Variants in KITLG observed in about 807,000 individuals in gnomAD.
The protein encoded by KITLG is KIT ligand, also known as c-Kit ligand.
Under a neutral mutation model 34.1 loss-of-function variants are expected in KITLG, and 13 were observed. The observed-to-expected ratio is 0.38, with a 90% CI of 0.25 to 0.61. KITLG has a LOEUF of 0.61. KITLG is among the 20% of genes least tolerant of loss of function. The probability of loss-of-function intolerance (pLI) is 0.60; values close to 1 mark genes in which losing one functional copy is unlikely to be tolerated. For synonymous variants in KITLG, 110 were observed against 104.0 expected, an observed-to-expected ratio of 1.06 and a Z score of -0.35; for missense variants, 292 against 318.9, an observed-to-expected ratio of 0.92 and a Z score of 0.64.
chr12:88,497,128 A>G lies in KITLG; in HGVS notation c.*91T>C. 4.4e-6 allele frequency: 2 copies of G among 450,062 alleles called. No homozygotes were observed. Among genetic ancestry groups the G allele is most frequent in the Non-Finnish European group, 8.9e-6 (2 of 224,096 alleles). The allele number at this position is 450,062 out of a possible 1,614,324, so 27.9% of individuals were successfully genotyped here. On this transcript the variant is annotated 3_prime_UTR_variant, in exon 10 of 10. Transcript: ENST00000644744. ...TGTGGTCTGTCACTCCAGACAGAATATGAATTTGTTTAAAGCTGCTTCATT... is the reference window on the plus strand; with the variant it reads ...TGTGGTCTGTCACTCCAGACAGAATGTGAATTTGTTTAAAGCTGCTTCATT...
At chr12:88,552,552 A>T (rs529037082) in intron 1 of KITLG, among the ~76,000 whole-genome samples, 1 of 152,166 alleles carries the variant, frequency 6.6e-6, no homozygotes, top group South Asian at 2.1e-4. Flanking sequence ...AGCTCAATTG[A>T]AATACTTTTG....
chr12:88,542,854 A>T (rs1870570846), intron 2 of KITLG, among the ~76,000 whole-genome samples: 1 of 152,124 alleles, frequency 6.6e-6, no homozygotes, highest in Non-Finnish European at 1.5e-5. Context: ...GTAGTGACCT[A>T]CTTTAAACAT....
At chr12:88,526,995 A>G (rs1016184975) in intron 3 of KITLG, among the ~76,000 whole-genome samples, 3 of 150,938 alleles carry the variant, frequency 2.0e-5, no homozygotes, top group African/African-American at 7.3e-5. Flanking sequence ...CAGCCTCCTG[A>G]GTAGCTGGGA....
chr12:88,551,550 C>A (rs527892214), intron 1 of KITLG, among the ~76,000 whole-genome samples: 2 of 152,324 alleles, frequency 1.3e-5, no homozygotes, highest in East Asian at 3.9e-4. Context: ...TTCCAAATTA[C>A]TGTACTTGTT....
Position 88,545,154 on chromosome 12 carries a change from G to T in KITLG, c.129+598C>A, listed in dbSNP as rs542711135. 3.9e-5 allele frequency among the ~76,000 whole-genome samples: 6 copies of T among 152,246 alleles called. No individual in the cohort carries two copies. The South Asian group carries it at 8.3e-4, about 21-fold the overall frequency. On this transcript the variant is annotated intron_variant, in intron 2 of 9. Transcript: ENST00000644744. ...TCTGGAGAAGCATAGCATGGAGCTGGCAGTGACTTGGGGAAGCAATGCAAA... is the reference window on the plus strand; with the variant it reads ...TCTGGAGAAGCATAGCATGGAGCTGTCAGTGACTTGGGGAAGCAATGCAAA...
At chr12:88,510,021 T>G (rs1485919210) in intron 6 of KITLG, among the ~76,000 whole-genome samples, 1 of 152,172 alleles carries the variant, frequency 6.6e-6, no homozygotes, top group Non-Finnish European at 1.5e-5. Context: ...TGGGCCGGAT[T>G]TGAGTAATCC....
At chr12:88,513,281 G>T (rs547285279) in intron 6 of KITLG, among the ~76,000 whole-genome samples, 3 of 151,274 alleles carry the variant, frequency 2.0e-5, no homozygotes, top group Admixed American at 6.6e-5. Flanking sequence ...AATGCAAAAG[G>T]GTGCTGTTGA....
intron 7 of KITLG, 91 bp from the exon 8 acceptor site, chr12:88,506,469 G>A: frequency 3.4e-6 from 3 of 884,922 alleles, no homozygotes; most frequent in South Asian, 2.7e-5. Context: ...ATCTTTTATG[G>A]CAATAACTCC....
chr12:88,569,830 A>G (rs575647968), intron 1 of KITLG, among the ~76,000 whole-genome samples: 1 of 152,302 alleles, frequency 6.6e-6, no homozygotes, highest in East Asian at 1.9e-4. Context: ...GATGCTGCTG[A>G]TAAGGTTGTG....
chr12:88,520,625 T>C (rs1284763166), intron 3 of KITLG, among the ~76,000 whole-genome samples: 1 of 152,182 alleles, frequency 6.6e-6, no homozygotes, highest in Admixed American at 6.5e-5. Context: ...AATTAAGACA[T>C]TCCTTTAGTT....
intron 3 of KITLG, among the ~76,000 whole-genome samples, chr12:88,521,773 CT>C (rs1430471619): frequency 1.3e-5 from 2 of 152,218 alleles, no homozygotes; most frequent in Non-Finnish European, 2.9e-5. Context: ...AGTGTAAAAA[CT>C]TTTTTCTTGA....
At chr12:88,579,542 G>A (rs2121001589) in intron 1 of KITLG, among the ~76,000 whole-genome samples, 1 of 152,262 alleles carries the variant, frequency 6.6e-6, no homozygotes. Flanking sequence ...TAGCAGCACT[G>A]GGAATTATCT....
intron 2 of KITLG, among the ~76,000 whole-genome samples, chr12:88,533,973 A>G (rs981798003): frequency 2.6e-5 from 4 of 152,158 alleles, no homozygotes; most frequent in Non-Finnish European, 5.9e-5. Flanking sequence ...GGCACTTAGT[A>G]TGGTTCCTCT....
intron 9 of KITLG, 93 bp from the exon 10 acceptor site, chr12:88,497,274 T>A (rs1489406443): frequency 7.2e-6 from 2 of 277,668 alleles, no homozygotes; most frequent in African/African-American, 4.5e-5. Context: ...GACCACAGAA[T>A]GAGTAACAAA....
chr12:88,563,968 A>AG (rs1229994955), intron 1 of KITLG, among the ~76,000 whole-genome samples: 1 of 152,004 alleles, frequency 6.6e-6, no homozygotes, highest in East Asian at 1.9e-4. Context: ...ATCTCAAAAA[A>AG]AAAGAAAAGA....
rs557621644 is a variant in KITLG, at chr12:88,502,522, C to T, written c.*37+2637G>A. On this transcript the variant is annotated intron_variant, in intron 9 of 9. Coordinates refer to ENST00000644744, the MANE Select transcript of KITLG (RefSeq NM_000899.5). The stretch of plus-strand genomic sequence containing the variant: ...ACATTTATAGAGAGCCAACAATGCA[C>T]GGGCAGCAAGTTAGGTGTTGAGGGT... 9.9e-5 allele frequency among the ~76,000 whole-genome samples: 15 copies of T among 152,272 alleles called. No homozygotes were observed. In the South Asian group the frequency reaches 1.0e-3, roughly 11 times the overall value.
chr12:88,495,768 C>T lies in KITLG; in HGVS notation c.*1451G>A, dbSNP rs1868617539. On this transcript the variant is annotated 3_prime_UTR_variant, in exon 10 of 10. Coordinates refer to ENST00000644744, the MANE Select transcript of KITLG (RefSeq NM_000899.5). ...GTAGAACATGGCAATAATGTTATCA[C>T]AAAGATTAAGTTAGAATGGAAAGCT... 1 of 152,132 alleles carries T rather than the reference C, an allele frequency of 6.6e-6. No individual in the cohort carries two copies. Among genetic ancestry groups the T allele is most frequent in the Admixed American group, 6.6e-5 (1 of 15,230 alleles). 9.4% of individuals were successfully genotyped at this position (152,132 alleles called of 1,614,324 possible).
intron 1 of KITLG, among the ~76,000 whole-genome samples, chr12:88,570,613 G>A (rs149107689): frequency 1.3e-5 from 2 of 151,702 alleles, no homozygotes; most frequent in African/African-American, 4.8e-5. Flanking sequence ...GCATTATATT[G>A]TAGTGATTAG....
At chr12:88,518,919 A>T (rs763484507) in intron 3 of KITLG, 52 bp from the exon 4 acceptor site, 2 of 1,521,330 alleles carry the variant, frequency 1.3e-6, no homozygotes, top group Admixed American at 3.5e-5. Context: ...AGTAAGTGCC[A>T]TAAAACTCGG....
Sources: allele counts gnomAD v4.1 joint callset (sites outside exome capture counted in the v4.1 genomes callset), GRCh38; gene constraint gnomAD v4.1.1; transcripts MANE v1.5; gene names NCBI Gene and HGNC (gene_info 2026-07-23, HGNC 2026-07-21).